The following LARP6 variants were observed in gnomAD, a reference collection of about 807,000 sequenced individuals.
The protein encoded by LARP6 is La ribonucleoprotein 6, translational regulator.
Under a neutral mutation model 32.8 loss-of-function variants are expected in LARP6, and 18 were observed. That is an observed-to-expected ratio of 0.55 (90% CI 0.38 to 0.81). The LOEUF (loss-of-function observed/expected upper bound fraction) is 0.81. Ranked by LOEUF, LARP6 falls within the 40% of genes least tolerant of loss-of-function variation. The pLI, the probability that LARP6 is intolerant of heterozygous loss-of-function variation, is 0.00. For synonymous variants in LARP6, 289 were observed against 267.2 expected, an observed-to-expected ratio of 1.08 and a Z score of -0.80; for missense variants, 598 against 663.1, an observed-to-expected ratio of 0.90 and a Z score of 1.08.
chr15:70,832,643 T>A lies in LARP6; in HGVS notation c.885A>T (p.Pro295=), dbSNP rs1253219903. The A allele has an allele frequency of 1.2e-6, 2 of 1,609,516 alleles. No homozygotes were observed. The highest frequency in any genetic ancestry group is 3.4e-5 in the Admixed American group (2 of 58,544). The change falls in exon 3 of 3, where the codon CCA becomes CCT. Residue 295 remains proline, a synonymous_variant. Coordinates refer to ENST00000299213, the MANE Select transcript of LARP6 (RefSeq NM_018357.4). ...TGTCTTTGGCAGGTTTCTTTTTGGG[T>A]GGCTTCATACCAATCAGGACAGCTT... ...NMKAVLIGMK[P]PKKKPAKDKN... is the part of the protein sequence containing the mutation.
chr15:70,835,707 A>G (rs2032134969), intron 2 of LARP6, among the ~76,000 whole-genome samples: 1 of 152,236 alleles, frequency 6.6e-6, no homozygotes, highest in African/African-American at 2.4e-5. Flanking sequence ...AGAAGTAGAC[A>G]GTACACAGCC....
chr15:70,848,369 C>A (rs1189392764), intron 1 of LARP6, among the ~76,000 whole-genome samples: 2 of 152,116 alleles, frequency 1.3e-5, no homozygotes, highest in Non-Finnish European at 2.9e-5. Context: ...AATAATGATT[C>A]GTAGTTTGGA....
At chr15:70,851,987 T>C (rs1240367662) in intron 1 of LARP6, 1 of 464,610 alleles carries the variant, frequency 2.2e-6, no homozygotes. Context: ...CGTGAACTGT[T>C]GACAGCGTGA....
Position 70,846,621 on chromosome 15 carries a change from A to AATACATACATACATACATAC in LARP6, c.200+7248_200+7267dup, listed in dbSNP as rs71152317. Among the ~76,000 whole-genome samples, 585 of 148,874 alleles carry AATACATACATACATACATAC rather than the reference A, an allele frequency of 3.9e-3. 5 individuals carry two copies. Among genetic ancestry groups the AATACATACATACATACATAC allele is most frequent in the East Asian group, 0.012 (61 of 5,036 alleles). ...GAGACCCTGTCTCAAAAAATAAATA[A>AATACATACATACATACATAC]ATACATACATACATACATACATACA... On this transcript the variant is annotated intron_variant, in intron 1 of 2. Transcript: ENST00000299213.
intron 1 of LARP6, among the ~76,000 whole-genome samples, chr15:70,848,588 C>T (rs760867139): frequency 1.2e-4 from 19 of 152,096 alleles, no homozygotes; most frequent in Middle Eastern, 3.4e-3. Context: ...AAAAATTAGC[C>T]GGGCATGGTG....
intron 1 of LARP6, among the ~76,000 whole-genome samples, chr15:70,842,794 T>C (rs549847208): frequency 6.6e-6 from 1 of 152,264 alleles, no homozygotes; most frequent in East Asian, 1.9e-4. Context: ...TGGATGATAC[T>C]GTGGAGGTGA....
At chr15:70,843,425 T>G (rs1349294309) in intron 1 of LARP6, among the ~76,000 whole-genome samples, 1 of 152,180 alleles carries the variant, frequency 6.6e-6, no homozygotes, top group Non-Finnish European at 1.5e-5. Context: ...TAGAGGTAAC[T>G]TCTCTTCAGC....
intron 1 of LARP6, among the ~76,000 whole-genome samples, chr15:70,838,370 G>A (rs887785328): frequency 3.9e-5 from 6 of 152,278 alleles, no homozygotes; most frequent in South Asian, 4.1e-4. Context: ...CTAGCGTACC[G>A]TTAAAGCTCA....
intron 1 of LARP6, among the ~76,000 whole-genome samples, chr15:70,839,614 G>A (rs537480861): frequency 6.6e-6 from 1 of 151,662 alleles, no homozygotes; most frequent in African/African-American, 2.4e-5. Context: ...ACAGAGTCTC[G>A]CTCTGTCGCC....
intron 1 of LARP6, among the ~76,000 whole-genome samples, chr15:70,845,024 A>G (rs2032321416): frequency 6.6e-6 from 1 of 152,180 alleles, no homozygotes; most frequent in Admixed American, 6.5e-5. Flanking sequence ...ATTTTAGAAT[A>G]GTTTTAGATT....
intron 1 of LARP6, chr15:70,851,951 C>T: frequency 5.4e-6 from 3 of 552,326 alleles, no homozygotes. Flanking sequence ...CCCCTATGCT[C>T]AGGGAACTAG....
At chr15:70,835,603 G>C (rs2032132420) in intron 2 of LARP6, among the ~76,000 whole-genome samples, 1 of 152,202 alleles carries the variant, frequency 6.6e-6, no homozygotes, top group African/African-American at 2.4e-5. Flanking sequence ...ATCCCGTTAT[G>C]CAACAGGCCG....
intron 1 of LARP6, among the ~76,000 whole-genome samples, chr15:70,843,868 C>G (rs1447271827): frequency 6.6e-6 from 1 of 151,666 alleles, no homozygotes; most frequent in Non-Finnish European, 1.5e-5. Flanking sequence ...GTTGCCCAGG[C>G]TGGCCTCAAA....
At chr15:70,838,953 A>G (rs1177977692) in intron 1 of LARP6, among the ~76,000 whole-genome samples, 1 of 151,870 alleles carries the variant, frequency 6.6e-6, no homozygotes, top group Non-Finnish European at 1.5e-5. Context: ...TGGAATACTC[A>G]AAATGAGGGA....
chr15:70,838,600 A>G (rs929440775), intron 1 of LARP6, among the ~76,000 whole-genome samples: 1 of 152,164 alleles, frequency 6.6e-6, no homozygotes, highest in Non-Finnish European at 1.5e-5. Flanking sequence ...CCTCTCCCTA[A>G]GATCATTAGG....
chr15:70,851,323 T>C, intron 1 of LARP6: 1 of 438,060 alleles, frequency 2.3e-6, no homozygotes, highest in Non-Finnish European at 3.3e-6. Flanking sequence ...TAGTACTATT[T>C]TTTCATATTT....
At position 70,830,052 on chromosome 15, in the gene LARP6, G is replaced by T. The variant is rs1275542940; in HGVS notation, c.*2000C>A. On this transcript the variant is annotated 3_prime_UTR_variant, in exon 3 of 3. Transcript: ENST00000299213. ...GAGTCAGGGAGGGAAGCATAGGGCG[G>T]GGCTGGAGGGGGCCCTGACATTGCC... The T allele has an allele frequency of 6.6e-6, 1 of 152,466 alleles. No homozygotes were observed. The highest frequency in any genetic ancestry group is 1.5e-5 in the Non-Finnish European group (1 of 68,146). The allele number at this position is 152,466 out of a possible 1,614,324, so 9.4% of individuals were successfully genotyped here.
At chr15:70,849,205 A>C (rs2032402587) in intron 1 of LARP6, 1 of 152,016 alleles carries the variant, frequency 6.6e-6, no homozygotes, top group African/African-American at 2.4e-5. Context: ...AAAAATACAA[A>C]AATTAGCTGG....
Position 70,851,974 on chromosome 15 carries a change from GAGCGTGAACTGTTGAC to G in LARP6, c.200+1899_200+1914del, listed in dbSNP as rs757955647. ...CTCAGGGAACTAGCTGGAATCACGG[GAGCGTGAACTGTTGAC>G]AGCGTGAACTGTTGAGGCAATGGGC... On this transcript the variant is annotated intron_variant, in intron 1 of 2. Coordinates refer to ENST00000299213, the MANE Select transcript of LARP6 (RefSeq NM_018357.4). 3.5e-4 allele frequency: 173 copies of G among 498,456 alleles called. 1 individual carries two copies. The highest frequency in any genetic ancestry group is 2.9e-3 in the African/African-American group (148 of 51,584). The allele number at this position is 498,456 out of a possible 1,614,324, so 30.9% of individuals were successfully genotyped here.
Sources: allele counts gnomAD v4.1 joint callset (sites outside exome capture counted in the v4.1 genomes callset), GRCh38; gene constraint gnomAD v4.1.1; transcripts MANE v1.5; gene names NCBI Gene and HGNC (gene_info 2026-07-23, HGNC 2026-07-21).